The following MGAT5 variants were observed in gnomAD, a reference collection of about 807,000 sequenced individuals.
MGAT5 encodes alpha-1,6-mannosylglycoprotein 6-beta-N-acetylglucosaminyltransferase A.
MGAT5 carries 30 observed loss-of-function variants against 94.3 expected under a neutral mutation model. The observed-to-expected ratio is 0.32, with a 90% CI of 0.24 to 0.43. The LOEUF (loss-of-function observed/expected upper bound fraction) is 0.43, where lower values mean the gene tolerates loss of function less well. Ranked by LOEUF, MGAT5 falls within the 20% of genes least tolerant of loss-of-function variation. MGAT5 has a pLI of 1.00. For synonymous variants in MGAT5, 310 were observed against 322.9 expected (o/e 0.96, Z 0.43); for missense variants, 691 against 905.5 (o/e 0.76, Z 3.04).
chr2:134,159,899 A>T (rs889544332), intron 1 of MGAT5, among the ~76,000 whole-genome samples: 7 of 152,182 alleles, frequency 4.6e-5, no homozygotes, highest in Admixed American at 1.3e-4. Flanking sequence ...CTGGCGTGGC[A>T]TATCTCTTTA....
At chr2:134,145,617 A>C (rs1686884024) in intron 1 of MGAT5, among the ~76,000 whole-genome samples, 1 of 152,220 alleles carries the variant, frequency 6.6e-6, no homozygotes, top group Non-Finnish European at 1.5e-5. Context: ...ACAAGATCCG[A>C]GGAGTGAGGG....
chr2:134,286,612 G>A (rs573901885), intron 2 of MGAT5, among the ~76,000 whole-genome samples: 1 of 152,074 alleles, frequency 6.6e-6, no homozygotes, highest in South Asian at 2.1e-4. Flanking sequence ...TAGAGACGGG[G>A]TTTTACCATG....
chr2:134,327,572 A>G (rs561462513), intron 4 of MGAT5, among the ~76,000 whole-genome samples: 1 of 152,276 alleles, frequency 6.6e-6, no homozygotes, highest in Admixed American at 6.5e-5. Context: ...ATGATGGAGC[A>G]GGAATCACAA....
At chr2:134,353,265 G>C (rs1049057017) in intron 9 of MGAT5, among the ~76,000 whole-genome samples, 7 of 152,150 alleles carry the variant, frequency 4.6e-5, no homozygotes, top group Admixed American at 4.6e-4. Flanking sequence ...GACAAACCTA[G>C]CTGTACACGT....
chr2:134,260,697 T>TTTTTC (rs56889695), intron 1 of MGAT5, among the ~76,000 whole-genome samples: 19,285 of 145,830 alleles, frequency 0.13, 1,595 homozygotes, highest in Middle Eastern at 0.23. Flanking sequence ...TTCTTTTTTC[T>TTTTTC]TTTTCTTTTT....
At chr2:134,303,394 G>A (rs955485917) in intron 2 of MGAT5, among the ~76,000 whole-genome samples, 3 of 152,130 alleles carry the variant, frequency 2.0e-5, no homozygotes, top group Admixed American at 6.6e-5. Context: ...TCTGGGTTCG[G>A]TAAACTTCCT....
chr2:134,318,395 G>C (rs985548641), intron 3 of MGAT5, among the ~76,000 whole-genome samples: 3 of 152,124 alleles, frequency 2.0e-5, no homozygotes, highest in African/African-American at 7.2e-5. Flanking sequence ...ATTGCCTGCT[G>C]TACCACGACC....
At chr2:134,173,457 C>T (rs958763274) in intron 1 of MGAT5, among the ~76,000 whole-genome samples, 1 of 152,186 alleles carries the variant, frequency 6.6e-6, no homozygotes, top group Admixed American at 6.5e-5. Context: ...CATCTTCCTG[C>T]ATGTACTGTG....
intron 2 of MGAT5, among the ~76,000 whole-genome samples, chr2:134,285,698 A>G (rs1684960669): frequency 6.6e-6 from 1 of 152,022 alleles, no homozygotes; most frequent in Non-Finnish European, 1.5e-5. Context: ...CCAGTAATAT[A>G]TTTTCATATT....
intron 1 of MGAT5, among the ~76,000 whole-genome samples, chr2:134,263,942 G>C (rs1683496040): frequency 6.7e-6 from 1 of 148,586 alleles, no homozygotes; most frequent in Non-Finnish European, 1.5e-5. Flanking sequence ...ACGTACATGT[G>C]TGTATATGTG....
intron 2 of MGAT5, among the ~76,000 whole-genome samples, chr2:134,315,965 T>C (rs1028894378): frequency 1.3e-5 from 2 of 152,192 alleles, no homozygotes; most frequent in African/African-American, 4.8e-5. Flanking sequence ...CTAACTTCTG[T>C]CTCAGTCCCA....
chr2:134,122,347 A>G (rs1685651623), intron 1 of MGAT5, among the ~76,000 whole-genome samples: 1 of 152,146 alleles, frequency 6.6e-6, no homozygotes, highest in African/African-American at 2.4e-5. Context: ...CCGGTGATCC[A>G]GCTGCCTCGG....
At chr2:134,300,967 C>A (rs924305795) in intron 2 of MGAT5, among the ~76,000 whole-genome samples, 1 of 152,094 alleles carries the variant, frequency 6.6e-6, no homozygotes. Context: ...TCACCACAGG[C>A]AAGATAAGGA....
intron 1 of MGAT5, among the ~76,000 whole-genome samples, chr2:134,225,746 T>C (rs1383547715): frequency 6.6e-6 from 1 of 152,152 alleles, no homozygotes; most frequent in Non-Finnish European, 1.5e-5. Context: ...ATAAGTCTGG[T>C]CCAGGGAGAT....
Position 134,428,548 on chromosome 2 carries a change from T to A in MGAT5, c.1869+109T>A. On this transcript the variant is annotated intron_variant, in intron 14 of 15. Transcript: ENST00000281923. ...CACTGTGTTTCTGTGGCTATTTTCCTGCTTTGGGAGACTCTAGAAGCTGGA... is the reference window on the plus strand; with the variant it reads ...CACTGTGTTTCTGTGGCTATTTTCCAGCTTTGGGAGACTCTAGAAGCTGGA... 3 of 981,798 alleles carry A rather than the reference T, an allele frequency of 3.1e-6. No homozygotes were observed. In the South Asian group the frequency reaches 4.3e-5, roughly 14 times the overall value. The allele number at this position is 981,798 out of a possible 1,614,324, so 60.8% of individuals were successfully genotyped here.
intron 1 of MGAT5, among the ~76,000 whole-genome samples, chr2:134,154,090 A>AT (rs1387868568): frequency 3.9e-5 from 6 of 152,230 alleles, no homozygotes; most frequent in African/African-American, 9.6e-5. Context: ...GAGCCATAGC[A>AT]TTTTCACCCA....
intron 13 of MGAT5, among the ~76,000 whole-genome samples, chr2:134,425,325 G>GT (rs369528169): frequency 4.6e-5 from 7 of 151,542 alleles, no homozygotes; most frequent in Non-Finnish European, 8.8e-5. Flanking sequence ...ACGTTCAGGG[G>GT]TTTTTTTTCT....
intron 1 of MGAT5, among the ~76,000 whole-genome samples, chr2:134,203,493 GT>G (rs901678445): frequency 2.6e-5 from 4 of 151,432 alleles, no homozygotes; most frequent in African/African-American, 7.3e-5. Flanking sequence ...TACATTAAAT[GT>G]TTTTTTTCCC....
intron 10 of MGAT5, among the ~76,000 whole-genome samples, chr2:134,388,815 G>T (rs139287114): frequency 9.5e-4 from 144 of 151,636 alleles, no homozygotes; most frequent in African/African-American, 2.5e-3. Flanking sequence ...AAACTGGAGT[G>T]CAGTGGTGCA....
Sources: allele counts gnomAD v4.1 joint callset (sites outside exome capture counted in the v4.1 genomes callset), GRCh38; gene constraint gnomAD v4.1.1; transcripts MANE v1.5; gene names NCBI Gene and HGNC (gene_info 2026-07-23, HGNC 2026-07-21).